SPATA17: variants seen among roughly 807,000 people sequenced by gnomAD.
The protein encoded by SPATA17 is spermatogenesis associated 17.
SPATA17 carries 53 observed loss-of-function variants against 62.2 expected under a neutral mutation model. The ratio of observed to expected loss-of-function variants is 0.85; its 90% CI spans 0.68 to 1.07. The LOEUF (loss-of-function observed/expected upper bound fraction) is 1.07, where lower values mean the gene tolerates loss of function less well. SPATA17 is among the 50% of genes least tolerant of loss of function. The probability of loss-of-function intolerance (pLI) is 0.00; values close to 1 mark genes in which losing one functional copy is unlikely to be tolerated. For missense variants in SPATA17, 466 were observed against 425.5 expected (o/e 1.10, Z -0.84); for synonymous variants, 146 against 146.8 (o/e 0.99, Z 0.04).
chr1:217,688,609 A>T (rs1274341132), intron 5 of SPATA17, among the ~76,000 whole-genome samples: 1 of 152,170 alleles, frequency 6.6e-6, no homozygotes, highest in East Asian at 1.9e-4. Flanking sequence ...TAGAAGCATC[A>T]TGTTTCCTTA....
At chr1:217,730,210 A>G (rs1672372150) in intron 5 of SPATA17, among the ~76,000 whole-genome samples, 2 of 151,820 alleles carry the variant, frequency 1.3e-5, no homozygotes, top group Admixed American at 1.3e-4. Context: ...CAATGTCTTC[A>G]GTAAAGTGAT....
At chr1:217,821,924 C>T (rs1307149498) in intron 9 of SPATA17, among the ~76,000 whole-genome samples, 1 of 152,044 alleles carries the variant, frequency 6.6e-6, no homozygotes, top group Non-Finnish European at 1.5e-5. Context: ...TGGCTCTCTA[C>T]AAGGGGTGAT....
At chr1:217,643,703 A>ACTCTCT (rs150236538) in intron 1 of SPATA17, among the ~76,000 whole-genome samples, 4 of 147,442 alleles carry the variant, frequency 2.7e-5, no homozygotes, top group Admixed American at 6.8e-5. Flanking sequence ...AGAAAAAGAA[A>ACTCTCT]CTCTCTCTCT....
At chr1:217,748,959 G>C (rs752914067) in intron 6 of SPATA17, among the ~76,000 whole-genome samples, 2 of 152,070 alleles carry the variant, frequency 1.3e-5, no homozygotes, top group Non-Finnish European at 1.5e-5. Context: ...GTGTATCTAT[G>C]TGTCATATGT....
At chr1:217,811,114 A>G (rs1182803339) in intron 9 of SPATA17, among the ~76,000 whole-genome samples, 1 of 151,998 alleles carries the variant, frequency 6.6e-6, no homozygotes, top group East Asian at 1.9e-4. Flanking sequence ...GCTCACTGCA[A>G]CCTCTGCCTC....
chr1:217,718,989 A>G (rs1045184187), intron 5 of SPATA17, among the ~76,000 whole-genome samples: 4 of 152,234 alleles, frequency 2.6e-5, no homozygotes, highest in Non-Finnish European at 5.9e-5. Context: ...ACCACGAACA[A>G]AGAAGCCAGA....
intron 9 of SPATA17, among the ~76,000 whole-genome samples, chr1:217,809,568 C>T (rs1047938851): frequency 4.2e-5 from 6 of 143,944 alleles, no homozygotes; most frequent in Non-Finnish European, 7.6e-5. Flanking sequence ...ACCCAAGAGG[C>T]GCATTGGATT....
At position 217,786,478 on chromosome 1, in the gene SPATA17, T is replaced by G. The variant is rs139205978; in HGVS notation, c.872+4156T>G. On this transcript the variant is annotated intron_variant, in intron 8 of 10. Coordinates refer to ENST00000366933, the MANE Select transcript of SPATA17 (RefSeq NM_138796.4). ...TTGACAGAACAATGACAAGACCAAT[T>G]TGACAGGCTACTATTTATGTTAGAG... 1.7e-4 allele frequency among the ~76,000 whole-genome samples: 26 copies of G among 152,284 alleles called. No homozygotes were observed. The East Asian group carries it at 4.4e-3, about 26-fold the overall frequency.
At chr1:217,822,834 C>A (rs1305174191) in intron 9 of SPATA17, among the ~76,000 whole-genome samples, 1 of 151,020 alleles carries the variant, frequency 6.6e-6, no homozygotes, top group Non-Finnish European at 1.5e-5. Flanking sequence ...TTTTTCAAGT[C>A]AGCCTGCTCA....
chr1:217,846,030 A>G (rs1242179767), intron 9 of SPATA17, among the ~76,000 whole-genome samples: 1 of 152,128 alleles, frequency 6.6e-6, no homozygotes, highest in Non-Finnish European at 1.5e-5. Flanking sequence ...ATAGAAAAGA[A>G]CTTAATGGAA....
chr1:217,850,867 G>C (rs1195974311), intron 9 of SPATA17, among the ~76,000 whole-genome samples: 1 of 151,972 alleles, frequency 6.6e-6, no homozygotes, highest in Non-Finnish European at 1.5e-5. Context: ...AAATTTGCAG[G>C]GGGAATTACT....
chr1:217,723,425 A>AC (rs1672185955), intron 5 of SPATA17, among the ~76,000 whole-genome samples: 1 of 151,930 alleles, frequency 6.6e-6, no homozygotes, highest in Non-Finnish European at 1.5e-5. Context: ...ATCTTTCCTA[A>AC]CCCCCAATCA....
intron 4 of SPATA17, 54 bp from the exon 5 acceptor site, chr1:217,683,204 A>G: frequency 7.7e-7 from 1 of 1,297,494 alleles, no homozygotes; most frequent in Non-Finnish European, 1.1e-6. Context: ...GTGCTATTAC[A>G]TTTTTAATAA....
At chr1:217,771,232 T>C (rs1255426059) in intron 6 of SPATA17, among the ~76,000 whole-genome samples, 1 of 151,662 alleles carries the variant, frequency 6.6e-6, no homozygotes, top group Non-Finnish European at 1.5e-5. Flanking sequence ...TTTCTTTTTT[T>C]TTTTAAACAG....
intron 9 of SPATA17, among the ~76,000 whole-genome samples, chr1:217,847,067 C>A (rs1247028086): frequency 6.6e-6 from 1 of 151,886 alleles, no homozygotes; most frequent in Non-Finnish European, 1.5e-5. Flanking sequence ...AATTATTTTT[C>A]TCCTAGATTG....
chr1:217,764,581 T>C (rs548326031), intron 6 of SPATA17, among the ~76,000 whole-genome samples: 1 of 152,182 alleles, frequency 6.6e-6, no homozygotes, highest in African/African-American at 2.4e-5. Context: ...ATTGGGTAAA[T>C]ATATAAGAAC....
At chr1:217,684,593 T>G (rs1188249571) in intron 5 of SPATA17, among the ~76,000 whole-genome samples, 1 of 151,970 alleles carries the variant, frequency 6.6e-6, no homozygotes, top group Admixed American at 6.6e-5. Context: ...TTTTATATTT[T>G]TAATAGAGAT....
intron 9 of SPATA17, among the ~76,000 whole-genome samples, chr1:217,815,321 A>G (rs1264888508): frequency 1.3e-5 from 2 of 152,150 alleles, no homozygotes; most frequent in Non-Finnish European, 2.9e-5. Context: ...AAAGTTAGCT[A>G]ATAGTACTTA....
intron 9 of SPATA17, among the ~76,000 whole-genome samples, chr1:217,816,796 T>C (rs1326625653): frequency 2.0e-5 from 3 of 152,114 alleles, no homozygotes; most frequent in Non-Finnish European, 4.4e-5. Context: ...TTTAAAACAA[T>C]GTACTACATC....
Sources: gnomAD v4.1 joint callset for allele counts (sites outside exome capture counted in the v4.1 genomes callset) on GRCh38, gnomAD v4.1.1 for gene constraint, MANE v1.5 for transcripts, NCBI Gene and HGNC (gene_info 2026-07-23, HGNC 2026-07-21) for gene names.